CHD6: variants seen among roughly 807,000 people sequenced by gnomAD.
CHD6 encodes ATP-dependent chromatin remodeler CHD6.
CHD6 carries 50 observed loss-of-function variants against 276.9 expected under a neutral mutation model. The ratio of observed to expected loss-of-function variants is 0.18; its 90% CI spans 0.14 to 0.23. CHD6 has a LOEUF of 0.23. CHD6 is among the 10% of genes least tolerant of loss of function. The pLI, the probability that CHD6 is intolerant of heterozygous loss-of-function variation, is 1.00. For missense variants in CHD6, 2,564 were observed against 3,365.8 expected (o/e 0.76, Z 5.89); for synonymous variants, 1,173 against 1,229.3 (o/e 0.95, Z 0.96).
intron 16 of CHD6, among the ~76,000 whole-genome samples, chr20:41,478,129 C>A (rs948694584): frequency 1.3e-5 from 2 of 152,132 alleles, no homozygotes; most frequent in Non-Finnish European, 2.9e-5. Context: ...TGAAAATGGT[C>A]CAGCCAGATG....
chr20:41,427,166 C>A lies in CHD6; in HGVS notation c.4069-1013G>T, dbSNP rs1374735915. On this transcript the variant is annotated intron_variant, in intron 27 of 36. Coordinates refer to ENST00000373233, the MANE Select transcript of CHD6 (RefSeq NM_032221.5). ...AGCCCAGGGTATTTACTATCTGGTC[C>A]TTTACTTGCTACTTCCTGGAATACA... is the stretch of plus-strand genomic sequence containing the variant. 3.3e-5 allele frequency among the ~76,000 whole-genome samples: 5 copies of A among 151,092 alleles called. No individual in the cohort carries two copies. The Admixed American group carries it at 3.3e-4, about 10-fold the overall frequency.
chr20:41,493,770 G>A, intron 9 of CHD6, 88 bp downstream of exon 9: 18 of 1,554,672 alleles, frequency 1.2e-5, no homozygotes, highest in Non-Finnish European at 1.6e-5. Context: ...TGACTAGACA[G>A]GAATACCACT....
intron 1 of CHD6, among the ~76,000 whole-genome samples, chr20:41,573,935 G>T (rs866413457): frequency 6.6e-5 from 10 of 152,108 alleles, no homozygotes; most frequent in African/African-American, 2.4e-4. Context: ...CCAGCTCTGG[G>T]CCTTTAGAGA....
chr20:41,498,805 GTA>G (rs1352046058), intron 6 of CHD6, among the ~76,000 whole-genome samples: 2,656 of 79,498 alleles, frequency 0.033, 37 homozygotes, highest in Admixed American at 0.11. Flanking sequence ...ATGTATGTAT[GTA>G]TGTATGTGTG....
chr20:41,510,711 C>T (rs1250365640), intron 5 of CHD6, among the ~76,000 whole-genome samples: 1 of 152,148 alleles, frequency 6.6e-6, no homozygotes, highest in Non-Finnish European at 1.5e-5. Flanking sequence ...GTCATAACAA[C>T]ATCTGAAATA....
Position 41,404,409 on chromosome 20 carries a change from T to G in CHD6, c.*184A>C. ...TCCTAGACTAGGTAGACAACACTTA[T>G]CTAATGAAGTGGTGAGACCCTGCAA... On this transcript the variant is annotated 3_prime_UTR_variant, in exon 37 of 37. Coordinates refer to ENST00000373233, the MANE Select transcript of CHD6 (RefSeq NM_032221.5). The G allele has an allele frequency of 7.7e-7, 1 of 1,294,850 alleles. No individual in the cohort carries two copies. The allele number at this position is 1,294,850 out of a possible 1,614,324, so 80.2% of individuals were successfully genotyped here.
intron 2 of CHD6, among the ~76,000 whole-genome samples, chr20:41,544,996 G>GGA (rs1212932711): frequency 6.6e-6 from 1 of 152,068 alleles, no homozygotes; most frequent in African/African-American, 2.4e-5. Context: ...CAAAGAATTA[G>GGA]GAGAGAGAGA....
At chr20:41,596,073 C>G (rs2146273891) in intron 1 of CHD6, among the ~76,000 whole-genome samples, 1 of 152,316 alleles carries the variant, frequency 6.6e-6, no homozygotes, top group African/African-American at 2.4e-5. Context: ...AAGCTGAACA[C>G]TCAGTCCCTC....
intron 6 of CHD6, among the ~76,000 whole-genome samples, chr20:41,498,651 T>C (rs538520524): frequency 5.3e-5 from 8 of 152,152 alleles, no homozygotes; most frequent in Non-Finnish European, 1.2e-4. Context: ...GATGAAGCCG[T>C]GCTCTCACCA....
intron 26 of CHD6, among the ~76,000 whole-genome samples, chr20:41,439,783 C>T (rs763874255): frequency 1.9e-4 from 29 of 152,216 alleles, no homozygotes; most frequent in Non-Finnish European, 2.8e-4. Flanking sequence ...GAACAGGAAC[C>T]GGTATTTGGT....
At chr20:41,527,661 A>T (rs2044575809) in intron 3 of CHD6, among the ~76,000 whole-genome samples, 1 of 152,220 alleles carries the variant, frequency 6.6e-6, no homozygotes, top group Non-Finnish European at 1.5e-5. Context: ...GAAAAAAATG[A>T]AATTCACAGG....
chr20:41,439,338 A>C (rs1405303643), intron 26 of CHD6, among the ~76,000 whole-genome samples: 1 of 152,080 alleles, frequency 6.6e-6, no homozygotes, highest in Non-Finnish European at 1.5e-5. Context: ...CCTGGGTGAC[A>C]AAGCAAGACT....
At position 41,412,267 on chromosome 20, in the gene CHD6, G is replaced by A; in HGVS notation, c.7132-4C>T. On this transcript the variant is annotated splice_polypyrimidine_tract_variant and splice_region_variant and intron_variant, in intron 35 of 36. Coordinates refer to ENST00000373233, the MANE Select transcript of CHD6 (RefSeq NM_032221.5). ...GCTTTGGTTTGTCTGAAAAATTCTA[G>A]GATGAAAACGGAGACCAATATTACA... 1.9e-6 allele frequency: 3 copies of A among 1,613,878 alleles called. No individual in the cohort carries two copies. Among genetic ancestry groups the A allele is most frequent in the Non-Finnish European group, 2.5e-6 (3 of 1,179,870 alleles).
intron 16 of CHD6, among the ~76,000 whole-genome samples, chr20:41,482,363 G>A (rs554924589): frequency 2.0e-5 from 3 of 152,158 alleles, no homozygotes; most frequent in Non-Finnish European, 4.4e-5. Context: ...TTATTTTATT[G>A]TCTAATCAGA....
intron 1 of CHD6, among the ~76,000 whole-genome samples, chr20:41,557,469 T>C (rs1237259555): frequency 6.6e-6 from 1 of 152,142 alleles, no homozygotes; most frequent in Non-Finnish European, 1.5e-5. Context: ...CAACAGTGCC[T>C]GTGCCATTTC....
chr20:41,432,852 A>T (rs1195887673), intron 27 of CHD6, among the ~76,000 whole-genome samples: 1 of 152,218 alleles, frequency 6.6e-6, no homozygotes, highest in East Asian at 1.9e-4. Flanking sequence ...AGAATGAAAC[A>T]GTGAAATGAA....
intron 5 of CHD6, among the ~76,000 whole-genome samples, chr20:41,500,077 C>T (rs1197084959): frequency 6.6e-6 from 1 of 152,082 alleles, no homozygotes; most frequent in Non-Finnish European, 1.5e-5. Context: ...GTTAAAAACA[C>T]AAAATGTTTA....
chr20:41,555,101 C>T (rs375377005), intron 1 of CHD6, among the ~76,000 whole-genome samples: 46,672 of 131,678 alleles, frequency 0.35, 10,344 homozygotes, highest in African/African-American at 0.63. Context: ...GCTTGCCGGG[C>T]GGGGGGCTGA....
Position 41,412,045 on chromosome 20 carries a change from C to A in CHD6, c.7251+99G>T, listed in dbSNP as rs1358100565. 12 of 1,514,472 alleles carry A rather than the reference C, an allele frequency of 7.9e-6. No individual in the cohort carries two copies. In the South Asian group the frequency reaches 9.1e-5, roughly 11 times the overall value. 93.8% of individuals were successfully genotyped at this position (1,514,472 alleles called of 1,614,324 possible). A position where few individuals can be genotyped will look rare whatever the true frequency, so the allele number is the denominator to read the frequency against. On this transcript the variant is annotated intron_variant, in intron 36 of 36. Coordinates refer to ENST00000373233, the MANE Select transcript of CHD6 (RefSeq NM_032221.5). ...AGTCCTCTTGAAAGATGTCTCCCAG[C>A]GAACCCCTTCCCAGCTGGGGCTTTC...
Sources: allele counts gnomAD v4.1 joint callset (sites outside exome capture counted in the v4.1 genomes callset), GRCh38; gene constraint gnomAD v4.1.1; transcripts MANE v1.5; gene names NCBI Gene and HGNC (gene_info 2026-07-23, HGNC 2026-07-21).